EGFR: variants seen among roughly 807,000 people sequenced by gnomAD.
The protein encoded by EGFR is epidermal growth factor receptor, also known as avian erythroblastic leukemia viral (v-erb-b) oncogene homolog.
EGFR carries 58 observed loss-of-function variants against 143.0 expected under a neutral mutation model. The observed-to-expected ratio is 0.41, with a 90% confidence interval of 0.33 to 0.50. The LOEUF (loss-of-function observed/expected upper bound fraction) is 0.50. Ranked by LOEUF, EGFR falls within the 20% of genes least tolerant of loss-of-function variation. EGFR has a pLI of 0.39. For synonymous variants in EGFR, 613 were observed against 594.4 expected (o/e 1.03, Z -0.45); for missense variants, 1,307 against 1,579.0 (o/e 0.83, Z 2.92).
At chr7:55,181,675 G>A in intron 20 of EGFR, 197 bp downstream of exon 20, 1 of 668,598 alleles carries the variant, frequency 1.5e-6, no homozygotes, top group Non-Finnish European at 2.6e-6. Context: ...ATCTGCATGT[G>A]GAAACTCTCA....
chr7:55,166,797 G>T (rs13237226), intron 15 of EGFR, among the ~76,000 whole-genome samples: 3 of 135,790 alleles, frequency 2.2e-5, no homozygotes, highest in South Asian at 6.5e-4. Context: ...GGTGTTGGTG[G>T]TGGTGGTGGT....
At position 55,191,836 on chromosome 7, in the gene EGFR, G is replaced by T. The variant is rs2128964656; in HGVS notation, c.2587G>T (p.Gly863Cys). The T allele has an allele frequency of 4.3e-6, 7 of 1,614,030 alleles. No individual in the cohort carries two copies. The highest frequency in any genetic ancestry group is 5.1e-6 in the Non-Finnish European group (6 of 1,180,024). ...ITDFGLAKLL[G>C]AEEKEYHAEG... is the part of the protein sequence containing the mutation. Reference sequence around the variant, plus strand: ...AGATTTTGGGCTGGCCAAACTGCTGGGTGCGGAAGAGAAAGAATACCATGC... The same window carrying T: ...AGATTTTGGGCTGGCCAAACTGCTGTGTGCGGAAGAGAAAGAATACCATGC... The change falls in exon 21 of 28, where the codon GGT becomes TGT. Residue 863 changes from glycine to cysteine, a missense_variant. Physicochemically the swap from Gly to Cys is radical, Grantham distance 159. Coordinates refer to ENST00000275493, the MANE Select transcript of EGFR (RefSeq NM_005228.5).
At chr7:55,185,647 T>G (rs1257101295) in intron 20 of EGFR, among the ~76,000 whole-genome samples, 1 of 152,216 alleles carries the variant, frequency 6.6e-6, no homozygotes, top group African/African-American at 2.4e-5. Context: ...CTCACAGAAT[T>G]GAGTGTTCAG....
rs1788067537 is a variant in EGFR, at chr7:55,205,371, C to T, written c.3387C>T (p.His1129=). The change falls in exon 28 of 28, where the codon CAC becomes CAT. Residue 1129 remains histidine, a synonymous_variant. Transcript: ENST00000275493. ...PSRDPHYQDP[H]STAVGNPEYL... The stretch of plus-strand genomic sequence containing the variant: ...GAGACCCACACTACCAGGACCCCCA[C>T]AGCACTGCAGTGGGCAACCCCGAGT... 4.3e-6 allele frequency: 7 copies of T among 1,613,952 alleles called. No individual in the cohort carries two copies. The highest frequency in any genetic ancestry group is 5.9e-6 in the Non-Finnish European group (7 of 1,179,840).
Position 55,209,604 on chromosome 7 carries a change from T to C in EGFR, c.*3987T>C, listed in dbSNP as rs550573363. 6.6e-6 allele frequency: 1 copy of C among 152,340 alleles called. No homozygotes were observed. Among genetic ancestry groups the C allele is most frequent in the African/African-American group, 2.4e-5 (1 of 41,580 alleles). The allele number at this position is 152,340 out of a possible 1,614,324, so 9.4% of individuals were successfully genotyped here. ...ACACTTTTATTGCAACATAATGATC[T>C]GCTCACATTTCCTTGCCTGGGGGCT... On this transcript the variant is annotated 3_prime_UTR_variant, in exon 28 of 28. Coordinates refer to ENST00000275493, the MANE Select transcript of EGFR (RefSeq NM_005228.5).
In EGFR at chr7:55,208,632, A is replaced by G. The variant is rs1280499946; in HGVS notation, c.*3015A>G. On this transcript the variant is annotated 3_prime_UTR_variant, in exon 28 of 28. Transcript: ENST00000275493. ...AGAAGGGATGAGTCTTCTAAACTCTATATTCGCTGTGAGTCCAGGTTGTAA... is the reference window on the plus strand; with the variant it reads ...AGAAGGGATGAGTCTTCTAAACTCTGTATTCGCTGTGAGTCCAGGTTGTAA... 1 of 152,144 alleles carries G rather than the reference A, an allele frequency of 6.6e-6. No individual in the cohort carries two copies. Among genetic ancestry groups the G allele is most frequent in the Non-Finnish European group, 1.5e-5 (1 of 68,040 alleles). The allele number at this position is 152,144 out of a possible 1,614,324, so 9.4% of individuals were successfully genotyped here.
intron 1 of EGFR, among the ~76,000 whole-genome samples, chr7:55,073,176 T>A (rs1484775187): frequency 6.6e-6 from 1 of 152,218 alleles, no homozygotes; most frequent in Non-Finnish European, 1.5e-5. Flanking sequence ...CTGAAAGACT[T>A]CCCTCAATTC....
chr7:55,084,808 C>A (rs952223955), intron 1 of EGFR, among the ~76,000 whole-genome samples: 3 of 152,150 alleles, frequency 2.0e-5, no homozygotes, highest in African/African-American at 7.2e-5. Flanking sequence ...AGGAATTTGG[C>A]ATATTGGATT....
At chr7:55,107,758 A>G (rs1156755438) in intron 1 of EGFR, among the ~76,000 whole-genome samples, 4 of 152,236 alleles carry the variant, frequency 2.6e-5, no homozygotes, top group Non-Finnish European at 4.4e-5. Flanking sequence ...ACAAGTGCCT[A>G]TATGCTATAT....
rs2128958755 is a variant in EGFR, at chr7:55,181,422, CACAAAG to C, written c.2418_2423del (p.Lys806_Asp807del). 1 of 1,614,234 alleles carries C rather than the reference CACAAAG, an allele frequency of 6.2e-7. No individual in the cohort carries two copies. Among genetic ancestry groups the C allele is most frequent in the Non-Finnish European group, 8.5e-7 (1 of 1,180,044 alleles). ...CTGCCTCCTGGACTATGTCCGGGAA[CACAAAG>C]ACAATATTGGCTCCCAGTACCTGCT... is the stretch of plus-strand genomic sequence containing the variant. On this transcript the variant is annotated inframe_deletion, in exon 20 of 28. Transcript: ENST00000275493.
At chr7:55,028,928 G>A (rs977641627) in intron 1 of EGFR, among the ~76,000 whole-genome samples, 4 of 152,170 alleles carry the variant, frequency 2.6e-5, no homozygotes, top group African/African-American at 9.6e-5. Flanking sequence ...CAGAGGCCGA[G>A]GCGGGCGGAT....
chr7:55,156,250 G>A (rs111635903), intron 8 of EGFR, among the ~76,000 whole-genome samples: 4 of 152,280 alleles, frequency 2.6e-5, no homozygotes, highest in African/African-American at 4.8e-5. Flanking sequence ...AGCTCCAAGC[G>A]GCCCATGGGA....
chr7:55,177,090 TG>T (rs1217935439), intron 19 of EGFR, among the ~76,000 whole-genome samples: 2 of 152,156 alleles, frequency 1.3e-5, no homozygotes, highest in East Asian at 3.9e-4. Context: ...ACTGCGGCCA[TG>T]TCCCCCCTCC....
chr7:55,157,811 A>G, intron 11 of EGFR, 58 bp downstream of exon 11: 1 of 1,537,648 alleles, frequency 6.5e-7, no homozygotes, highest in Non-Finnish European at 9.0e-7. Context: ...GTTGGAAATT[A>G]GGCTTAACAG....
intron 1 of EGFR, among the ~76,000 whole-genome samples, chr7:55,096,685 G>C (rs1791490977): frequency 6.6e-6 from 1 of 152,174 alleles, no homozygotes; most frequent in African/African-American, 2.4e-5. Flanking sequence ...TTATGAAGTG[G>C]ACACGTGTTG....
chr7:55,182,076 A>G (rs528724430), intron 20 of EGFR: 5 of 163,994 alleles, frequency 3.0e-5, no homozygotes, highest in Admixed American at 5.7e-5. Flanking sequence ...AGACAGGCAC[A>G]GAACAACAAG....
rs1348720464 is a variant in EGFR, at chr7:55,030,545, CCAGACCTATAAATACTTG to C, written c.88+11185_88+11202del. Among the ~76,000 whole-genome samples the C allele has an allele frequency of 2.6e-5, 4 of 152,224 alleles. No individual in the cohort carries two copies. The East Asian group carries it at 7.7e-4, about 29-fold the overall frequency. ...TGTGTCATCAACTTCTGTAAATTTT[CCAGACCTATAAATACTTG>C]CAGAAAAAAAATGAAAGGAGAAGGC... On this transcript the variant is annotated intron_variant, in intron 1 of 27. Coordinates refer to ENST00000275493, the MANE Select transcript of EGFR (RefSeq NM_005228.5).
chr7:55,094,129 G>T (rs2128896367), intron 1 of EGFR, among the ~76,000 whole-genome samples: 1 of 152,348 alleles, frequency 6.6e-6, no homozygotes, highest in East Asian at 1.9e-4. Flanking sequence ...GAAGGGGGCT[G>T]CTTGACAGGA....
chr7:55,189,127 T>C lies in EGFR; in HGVS notation c.2470-2592T>C, dbSNP rs997250774. Among the ~76,000 whole-genome samples, 4 of 151,798 alleles carry C rather than the reference T, an allele frequency of 2.6e-5. No individual in the cohort carries two copies. In the East Asian group the frequency reaches 7.7e-4, roughly 29 times the overall value. On this transcript the variant is annotated intron_variant, in intron 20 of 27. Coordinates refer to ENST00000275493, the MANE Select transcript of EGFR (RefSeq NM_005228.5). Reference sequence around the variant, plus strand: ...GTGTGTGTGTGTGTGTGTATATATATATACACATATACATATATATATATA... The same window carrying C: ...GTGTGTGTGTGTGTGTGTATATATACATACACATATACATATATATATATA...
Sources: gnomAD v4.1 joint callset for allele counts (sites outside exome capture counted in the v4.1 genomes callset) on GRCh38, gnomAD v4.1.1 for gene constraint, MANE v1.5 for transcripts, NCBI Gene and HGNC (gene_info 2026-07-23, HGNC 2026-07-21) for gene names.